Variants in TSPAN16 observed in about 807,000 individuals in gnomAD.
TSPAN16 encodes tetraspanin-16.
Under a neutral mutation model 25.2 loss-of-function variants are expected in TSPAN16, and 23 were observed. The observed-to-expected ratio is 0.91, with a 90% CI of 0.66 to 1.29. The LOEUF is 1.29. TSPAN16 is among the 50% of genes most tolerant of loss of function. The probability of loss-of-function intolerance (pLI) is 0.00; values close to 1 mark genes in which losing one functional copy is unlikely to be tolerated. For synonymous variants in TSPAN16, 123 were observed against 124.4 expected (o/e 0.99, Z 0.08); for missense variants, 272 against 299.9 (o/e 0.91, Z 0.69).
chr19:11,302,682 C>T (rs74180177), intron 4 of TSPAN16, among the ~76,000 whole-genome samples: 36,889 of 126,186 alleles, frequency 0.29, 5,457 homozygotes, highest in African/African-American at 0.48. Flanking sequence ...TATATATACA[C>T]ACACACACAC....
At chr19:11,303,392 C>G (rs2080587899) in intron 4 of TSPAN16, among the ~76,000 whole-genome samples, 1 of 146,996 alleles carries the variant, frequency 6.8e-6, no homozygotes, top group Non-Finnish European at 1.5e-5. Flanking sequence ...ACTCCCTAAT[C>G]TCAAGTTCCC....
In TSPAN16 at chr19:11,301,228, T is replaced by C. The variant is rs779009478; in HGVS notation, c.370T>C (p.Phe124Leu). The change falls in exon 4 of 7, where the codon TTC becomes CTC. Residue 124 changes from phenylalanine (F) to leucine (L), a missense_variant. Coordinates refer to ENST00000590327, the MANE Select transcript of TSPAN16 (RefSeq NM_001282509.2). ...IVGDVALEHT[F>L]VTLRKNYRGY... is the part of the protein sequence containing the mutation. ...TGGAGATGTGGCCTTGGAACACACC[T>C]TCGTGACCCTGAGGAAGAATTACAG... 3.0e-5 allele frequency: 49 copies of C among 1,613,898 alleles called. No individual in the cohort carries two copies. The highest frequency in any genetic ancestry group is 4.0e-5 in the Non-Finnish European group (47 of 1,179,986).
intron 5 of TSPAN16, among the ~76,000 whole-genome samples, chr19:11,307,034 C>G (rs1368672548): frequency 6.6e-6 from 1 of 152,034 alleles, no homozygotes; most frequent in Non-Finnish European, 1.5e-5. Context: ...AGGCTGGTCT[C>G]GAACCTCAGG....
intron 6 of TSPAN16, 133 bp from the exon 7 acceptor site, chr19:11,315,658 C>A: frequency 1.7e-6 from 1 of 576,742 alleles, no homozygotes; most frequent in Non-Finnish European, 2.6e-6. Context: ...CCAGGCGGTT[C>A]TTCAGCCATC....
downstream of TSPAN16, among the ~76,000 whole-genome samples, chr19:11,318,488 T>C (rs78828114): frequency 4.7e-3 from 719 of 151,770 alleles, 8 homozygotes; most frequent in East Asian, 0.016. Context: ...TTAATTGAAC[T>C]GGGCTGTGAC....
At chr19:11,302,676 TATACAC>T (rs1425317121) in intron 4 of TSPAN16, among the ~76,000 whole-genome samples, 8 of 128,400 alleles carry the variant, frequency 6.2e-5, no homozygotes, top group Admixed American at 3.1e-4. Flanking sequence ...TATATATATA[TATACAC>T]ACACACACAC....
intron 6 of TSPAN16, among the ~76,000 whole-genome samples, chr19:11,314,900 A>G (rs1455230106): frequency 1.3e-5 from 2 of 152,008 alleles, no homozygotes; most frequent in African/African-American, 4.8e-5. Context: ...GTGGCAGTGG[A>G]GTCTGGGGAA....
At position 11,296,205 on chromosome 19, in the gene TSPAN16, C is replaced by T; in HGVS notation, c.-93C>T. The T allele has an allele frequency of 7.3e-7, 1 of 1,362,732 alleles. No individual in the cohort carries two copies. The highest frequency in any genetic ancestry group is 1.3e-5 in the South Asian group (1 of 79,620). 84.4% of individuals were successfully genotyped at this position (1,362,732 alleles called of 1,614,324 possible). A position where few individuals can be genotyped will look rare whatever the true frequency, so the allele number is the denominator to read the frequency against. The stretch of plus-strand genomic sequence containing the variant: ...GGCAGAGCAAGTCAGCATTGGCGCC[C>T]CTTCCTCAGATCCCTATCATCTTGG... On this transcript the variant is annotated 5_prime_UTR_variant, in exon 1 of 7. Transcript: ENST00000590327.
At chr19:11,297,923 C>T (rs1172517162) in intron 1 of TSPAN16, among the ~76,000 whole-genome samples, 1 of 151,728 alleles carries the variant, frequency 6.6e-6, no homozygotes, top group Non-Finnish European at 1.5e-5. Context: ...ACCTGAGTAG[C>T]TGAGACTACA....
downstream of TSPAN16, among the ~76,000 whole-genome samples, chr19:11,320,594 G>A (rs1364509930): frequency 2.6e-5 from 4 of 151,700 alleles, no homozygotes; most frequent in African/African-American, 9.7e-5. Flanking sequence ...GATCCTTTGA[G>A]TCCAGGAGTT....
intron 6 of TSPAN16, among the ~76,000 whole-genome samples, chr19:11,315,534 C>A (rs1008633412): frequency 1.6e-4 from 24 of 149,924 alleles, no homozygotes; most frequent in East Asian, 1.4e-3. Flanking sequence ...CCAGCCTGGG[C>A]GACAGAGGGA....
Position 11,298,944 on chromosome 19 carries a change from A to AT in TSPAN16, c.342dup (p.Val115CysfsTer44). 6.2e-7 allele frequency: 1 copy of AT among 1,613,726 alleles called. No individual in the cohort carries two copies. Among genetic ancestry groups the AT allele is most frequent in the Non-Finnish European group, 8.5e-7 (1 of 1,179,776 alleles). On this transcript the variant is annotated frameshift_variant and splice_region_variant, in exon 3 of 7. Coordinates refer to ENST00000590327, the MANE Select transcript of TSPAN16 (RefSeq NM_001282509.2). LOFTEE classifies it high-confidence loss of function. ...CACAGTGGTCCTTCTTTTCTTTCCAATTGTAAGTACAGCCCTGCTCCTCCC... is the reference window on the plus strand; with the variant it reads ...CACAGTGGTCCTTCTTTTCTTTCCAATTTGTAAGTACAGCCCTGCTCCTCCC...
chr19:11,315,781 C>T lies in TSPAN16; in HGVS notation c.688-10C>T, dbSNP rs183886500. 371 of 1,231,768 alleles carry T rather than the reference C, an allele frequency of 3.0e-4. No homozygotes were observed. Among genetic ancestry groups the T allele is most frequent in the Non-Finnish European group, 5.2e-5 (51 of 987,746 alleles). The allele number at this position is 1,231,768 out of a possible 1,614,324, so 76.3% of individuals were successfully genotyped here. A position where few individuals can be genotyped will look rare whatever the true frequency, so the allele number is the denominator to read the frequency against. On this transcript the variant is annotated splice_polypyrimidine_tract_variant and intron_variant, in intron 6 of 6. Coordinates refer to ENST00000590327, the MANE Select transcript of TSPAN16 (RefSeq NM_001282509.2). Reference sequence around the variant, plus strand: ...CATTGGATCCATGTTTCTTTCTTCACGCATTTCAGTTGCCAGGAATTCTTG... The same window carrying T: ...CATTGGATCCATGTTTCTTTCTTCATGCATTTCAGTTGCCAGGAATTCTTG...
chr19:11,325,671 C>T, intron 6 of TSPAN16: 2 of 1,301,460 alleles, frequency 1.5e-6, no homozygotes, highest in Non-Finnish European at 2.1e-6. Context: ...GGCTTCTAAG[C>T]CTAGTTCTGC....
At chr19:11,304,077 C>T (rs1171532142) in intron 4 of TSPAN16, among the ~76,000 whole-genome samples, 6 of 151,602 alleles carry the variant, frequency 4.0e-5, no homozygotes, top group Admixed American at 6.6e-5. Context: ...CCACCGTGCA[C>T]GGCCAATTTT....
At chr19:11,325,529 C>G (rs755598316) in intron 6 of TSPAN16, 3 of 1,613,608 alleles carry the variant, frequency 1.9e-6, no homozygotes, top group Admixed American at 3.3e-5. Context: ...ACCAGGCGCT[C>G]GAAGACCTGC....
At chr19:11,300,425 G>T (rs964901683) in intron 3 of TSPAN16, among the ~76,000 whole-genome samples, 1 of 152,108 alleles carries the variant, frequency 6.6e-6, no homozygotes, top group African/African-American at 2.4e-5. Flanking sequence ...GGGGCATGTG[G>T]GCTCAGAGGC....
At chr19:11,319,602 CAAACAAAACAAAACA>C (rs993288029), downstream of TSPAN16, among the ~76,000 whole-genome samples, 1 of 151,102 alleles carries the variant, frequency 6.6e-6, no homozygotes, top group South Asian at 2.1e-4. Flanking sequence ...TGTCTCAAAA[CAAACAAAACAAAACA>C]AAACAAAACA....
At chr19:11,325,355 T>C (rs1400016396) in intron 6 of TSPAN16, 1 of 1,143,882 alleles carries the variant, frequency 8.7e-7, no homozygotes, top group Non-Finnish European at 1.1e-6. Flanking sequence ...TCACAGTCCC[T>C]GCCGAGGCAG....
Sources: allele counts gnomAD v4.1 joint callset (sites outside exome capture counted in the v4.1 genomes callset), GRCh38; gene constraint gnomAD v4.1.1; transcripts MANE v1.5; gene names NCBI Gene and HGNC (gene_info 2026-07-23, HGNC 2026-07-21).